The following MAP7 variants were observed in gnomAD, a reference collection of about 807,000 sequenced individuals.
MAP7 encodes microtubule associated protein 7, also known as ensconsin.
A neutral mutation model predicts 94.8 loss-of-function variants in MAP7; 52 were observed. That is an observed-to-expected ratio of 0.55 (90% CI 0.44 to 0.69). The LOEUF is 0.69. Ranked by LOEUF, MAP7 falls within the 30% of genes least tolerant of loss-of-function variation. The probability of loss-of-function intolerance (pLI) is 0.00; values close to 1 mark genes in which losing one functional copy is unlikely to be tolerated. For synonymous variants in MAP7, 350 were observed against 357.0 expected (o/e 0.98, Z 0.22); for missense variants, 940 against 964.6 (o/e 0.97, Z 0.34).
At chr6:136,366,507 C>A in intron 8 of MAP7, 68 bp from the exon 9 acceptor site, 1 of 1,051,126 alleles carries the variant, frequency 9.5e-7, no homozygotes, top group Non-Finnish European at 1.5e-6. Context: ...CAATACTCAA[C>A]AGTGGAGCTA....
chr6:136,395,656 C>T (rs1782251899), intron 3 of MAP7, among the ~76,000 whole-genome samples: 1 of 152,026 alleles, frequency 6.6e-6, no homozygotes, highest in Non-Finnish European at 1.5e-5. Flanking sequence ...AAGCATTTCC[C>T]CAATGCTTTC....
At chr6:136,414,354 T>C (rs1373310552) in intron 2 of MAP7, among the ~76,000 whole-genome samples, 1 of 146,944 alleles carries the variant, frequency 6.8e-6, no homozygotes, top group Admixed American at 6.8e-5. Context: ...ATTTATGTAC[T>C]TCCACATATT....
chr6:136,411,099 T>A (rs2128739663), intron 3 of MAP7, among the ~76,000 whole-genome samples: 1 of 152,352 alleles, frequency 6.6e-6, no homozygotes, highest in South Asian at 2.1e-4. Flanking sequence ...GCTAAGATAG[T>A]CCTGTGATCC....
chr6:136,507,078 G>C (rs898198286), intron 1 of MAP7, among the ~76,000 whole-genome samples: 3 of 152,048 alleles, frequency 2.0e-5, no homozygotes, highest in Non-Finnish European at 2.9e-5. Context: ...TTCGTGAATC[G>C]TTTCTGTTTT....
intron 1 of MAP7, among the ~76,000 whole-genome samples, chr6:136,480,922 GAAAATAT>G (rs1812664167): frequency 6.6e-6 from 1 of 152,056 alleles, no homozygotes; most frequent in Non-Finnish European, 1.5e-5. Context: ...AGCTCTATAG[GAAAATAT>G]CTAATGATCT....
At chr6:136,345,051 T>C (rs1490335938) in intron 17 of MAP7, among the ~76,000 whole-genome samples, 1 of 152,200 alleles carries the variant, frequency 6.6e-6, no homozygotes, top group Non-Finnish European at 1.5e-5. Flanking sequence ...GTCAACAAAA[T>C]TGAAACAGGT....
At chr6:136,466,140 G>C (rs1204227490) in intron 1 of MAP7, among the ~76,000 whole-genome samples, 1 of 152,076 alleles carries the variant, frequency 6.6e-6, no homozygotes, top group East Asian at 1.9e-4. Context: ...TCTGGGGAAA[G>C]ACATAACTGG....
intron 1 of MAP7, among the ~76,000 whole-genome samples, chr6:136,513,587 C>A (rs1394863839): frequency 1.3e-5 from 2 of 152,212 alleles, no homozygotes; most frequent in African/African-American, 4.8e-5. Context: ...TTGGGGTCAA[C>A]TGCTTACAAA....
At chr6:136,531,839 G>A (rs1203340916) in intron 1 of MAP7, among the ~76,000 whole-genome samples, 1 of 152,108 alleles carries the variant, frequency 6.6e-6, no homozygotes, top group East Asian at 1.9e-4. Flanking sequence ...GGAGAAGTGG[G>A]CAATGCAAAG....
chr6:136,388,664 T>C (rs1378518163), intron 4 of MAP7, 154 bp from the exon 5 acceptor site: 3 of 607,778 alleles, frequency 4.9e-6, no homozygotes, highest in African/African-American at 3.7e-5. Flanking sequence ...GTGAGACTAG[T>C]GTCAATCTGG....
intron 1 of MAP7, chr6:136,466,888 G>C: frequency 6.6e-7 from 1 of 1,517,622 alleles, no homozygotes; most frequent in Non-Finnish European, 8.8e-7. Flanking sequence ...TGAAGGGGCC[G>C]TTTAATCATG....
intron 4 of MAP7, 123 bp from the exon 5 acceptor site, chr6:136,388,633 G>T: frequency 1.3e-6 from 1 of 745,052 alleles, no homozygotes; most frequent in Non-Finnish European, 2.3e-6. Flanking sequence ...TTGATCTCTA[G>T]CTGAACTTCT....
Position 136,360,751 on chromosome 6 carries a change from C to T in MAP7, c.1749G>A (p.Gln583=). Residue 583 remains glutamine (Q), a synonymous_variant, in exon 13 of 18, where the codon CAG becomes CAA. Coordinates refer to ENST00000354570, the MANE Select transcript of MAP7 (RefSeq NM_003980.6). Reference sequence around the variant, plus strand: ...CTCTCTGGAAATGCTTCTCTCGTTCCTGCCGGACCCTCTCTGCTTCTTCAC... The same window carrying T: ...CTCTCTGGAAATGCTTCTCTCGTTCTTGCCGGACCCTCTCTGCTTCTTCAC... ...RVREEAERVR[Q]EREKHFQREE... is the part of the protein sequence containing the mutation. 6.2e-7 allele frequency: 1 copy of T among 1,614,150 alleles called. No individual in the cohort carries two copies. The highest frequency in any genetic ancestry group is 1.3e-5 in the African/African-American group (1 of 75,064).
intron 1 of MAP7, among the ~76,000 whole-genome samples, chr6:136,528,615 G>A (rs1378443344): frequency 1.3e-5 from 2 of 152,160 alleles, no homozygotes; most frequent in Non-Finnish European, 2.9e-5. Context: ...TAAAGAAAAT[G>A]AAAATCTGTA....
chr6:136,513,766 C>T (rs1823945111), intron 1 of MAP7, among the ~76,000 whole-genome samples: 1 of 152,124 alleles, frequency 6.6e-6, no homozygotes, highest in Admixed American at 6.5e-5. Flanking sequence ...CACCTGAGCC[C>T]CAGACGCATC....
At chr6:136,534,852 T>C (rs1828752005) in intron 1 of MAP7, among the ~76,000 whole-genome samples, 1 of 152,132 alleles carries the variant, frequency 6.6e-6, no homozygotes, top group African/African-American at 2.4e-5. Context: ...AAAGTACAGA[T>C]ATATAGATTA....
intron 1 of MAP7, among the ~76,000 whole-genome samples, chr6:136,465,106 G>A (rs562194803): frequency 2.0e-5 from 3 of 152,258 alleles, no homozygotes; most frequent in African/African-American, 7.2e-5. Flanking sequence ...ACACAGCTGC[G>A]AAGTGTGCAG....
At chr6:136,440,155 G>A (rs1182053256) in intron 1 of MAP7, among the ~76,000 whole-genome samples, 1 of 152,186 alleles carries the variant, frequency 6.6e-6, no homozygotes, top group Non-Finnish European at 1.5e-5. Context: ...ACGGGTGGGA[G>A]GTGTGAGCCG....
chr6:136,509,619 C>A (rs1020871113), intron 1 of MAP7, among the ~76,000 whole-genome samples: 1 of 152,108 alleles, frequency 6.6e-6, no homozygotes, highest in South Asian at 2.1e-4. Context: ...AGTGCAGTGG[C>A]ATGATTATAG....
Sources: gnomAD v4.1 joint callset for allele counts (sites outside exome capture counted in the v4.1 genomes callset) on GRCh38, gnomAD v4.1.1 for gene constraint, MANE v1.5 for transcripts, NCBI Gene and HGNC (gene_info 2026-07-23, HGNC 2026-07-21) for gene names.